The following SNX29 variants were observed in gnomAD, a reference collection of about 807,000 sequenced individuals.
SNX29 encodes the protein sorting nexin-29.
SNX29 carries 78 observed loss-of-function variants against 102.1 expected under a neutral mutation model. That is an observed-to-expected ratio of 0.76 (90% CI 0.64 to 0.92). The LOEUF is 0.92. SNX29 is among the 40% of genes least tolerant of loss of function. The pLI is 0.00. For missense variants in SNX29, 1,280 were observed against 1,061.7 expected (o/e 1.21, Z -2.86); for synonymous variants, 580 against 414.5 (o/e 1.40, Z -4.85).
chr16:12,029,531 G>A, intron 4 of SNX29: 1 of 453,826 alleles, frequency 2.2e-6, no homozygotes. Context: ...ACTTGGGAAA[G>A]GAGAAAGAAC....
chr16:12,542,332 C>T (rs745719702), intron 20 of SNX29, among the ~76,000 whole-genome samples: 2 of 152,224 alleles, frequency 1.3e-5, no homozygotes, highest in African/African-American at 4.8e-5. Flanking sequence ...GCTGTTAGAG[C>T]AAGAGATTGT....
intron 20 of SNX29, among the ~76,000 whole-genome samples, chr16:12,562,709 C>A (rs529474787): frequency 3.3e-5 from 5 of 152,328 alleles, no homozygotes; most frequent in African/African-American, 9.6e-5. Context: ...GAGATTGAAG[C>A]CTACCGTGGT....
intron 13 of SNX29, among the ~76,000 whole-genome samples, chr16:12,175,353 G>A (rs746355983): frequency 1.3e-5 from 2 of 152,042 alleles, no homozygotes; most frequent in African/African-American, 2.4e-5. Flanking sequence ...GGTCATAAGT[G>A]GGGGGCTGGC....
At chr16:12,291,651 T>C (rs755589022) in intron 15 of SNX29, among the ~76,000 whole-genome samples, 5 of 152,230 alleles carry the variant, frequency 3.3e-5, no homozygotes, top group Admixed American at 2.0e-4. Context: ...AAAAACCTTA[T>C]GTTTACTCTG....
intron 16 of SNX29, among the ~76,000 whole-genome samples, chr16:12,369,304 T>C (rs1054500161): frequency 7.2e-5 from 11 of 151,938 alleles, no homozygotes; most frequent in Admixed American, 2.0e-4. Flanking sequence ...CCCAGCTAAT[T>C]TTTGTATTTT....
At chr16:12,560,267 C>T (rs550684995) in intron 20 of SNX29, among the ~76,000 whole-genome samples, 1 of 152,016 alleles carries the variant, frequency 6.6e-6, no homozygotes, top group Non-Finnish European at 1.5e-5. Flanking sequence ...ATCAGGAACA[C>T]AGCAGCAATG....
intron 20 of SNX29, chr16:12,527,383 G>A (rs1256554488): frequency 2.0e-6 from 1 of 497,222 alleles, no homozygotes; most frequent in East Asian, 4.1e-5. Context: ...AAAATCTCCT[G>A]CCTAAGGAAA....
intron 11 of SNX29, chr16:12,088,259 CGGCTCTGCGGGGT>C: frequency 2.6e-6 from 1 of 384,408 alleles, no homozygotes; most frequent in Non-Finnish European, 5.2e-6. Flanking sequence ...GCAGCGGGAC[CGGCTCTGCGGGGT>C]CAGAGCAGGG....
At chr16:12,525,880 G>A (rs1469895855) in intron 20 of SNX29, among the ~76,000 whole-genome samples, 2 of 152,126 alleles carry the variant, frequency 1.3e-5, no homozygotes, top group Non-Finnish European at 2.9e-5. Flanking sequence ...CCATTGCTGG[G>A]AAACGTCAGG....
intron 15 of SNX29, among the ~76,000 whole-genome samples, chr16:12,285,266 G>T (rs921505897): frequency 1.3e-5 from 2 of 152,108 alleles, no homozygotes; most frequent in Non-Finnish European, 2.9e-5. Context: ...CTTGCTTGCC[G>T]GCACCGTTTT....
intron 1 of SNX29, among the ~76,000 whole-genome samples, chr16:11,979,511 C>T (rs546334305): frequency 1.3e-5 from 2 of 151,992 alleles, no homozygotes; most frequent in Non-Finnish European, 2.9e-5. Flanking sequence ...AACTGGTACA[C>T]GATAAAATAA....
intron 18 of SNX29, among the ~76,000 whole-genome samples, chr16:12,415,899 C>T (rs1281139227): frequency 1.3e-5 from 2 of 152,144 alleles, no homozygotes; most frequent in Non-Finnish European, 2.9e-5. Flanking sequence ...CCCATCTCCC[C>T]TGGGGAGATC....
intron 16 of SNX29, among the ~76,000 whole-genome samples, chr16:12,398,127 C>G (rs369991012): frequency 1.3e-5 from 2 of 152,164 alleles, no homozygotes; most frequent in African/African-American, 4.8e-5. Context: ...TGATAACTTG[C>G]ATCTCAGATC....
chr16:12,135,480 C>G (rs1597012554), intron 13 of SNX29: 2 of 1,302,926 alleles, frequency 1.5e-6, no homozygotes, highest in East Asian at 8.5e-5. Context: ...CCAGGATGGT[C>G]TGATAAGAGC....
At chr16:12,562,498 G>A (rs924046147) in intron 20 of SNX29, among the ~76,000 whole-genome samples, 4 of 152,158 alleles carry the variant, frequency 2.6e-5, no homozygotes, top group Non-Finnish European at 4.4e-5. Flanking sequence ...AAGGAGCATC[G>A]TGAGCAGCCC....
chr16:12,190,248 C>G (rs1055762867), intron 13 of SNX29, among the ~76,000 whole-genome samples: 11 of 152,072 alleles, frequency 7.2e-5, no homozygotes, highest in African/African-American at 1.7e-4. Flanking sequence ...AGTTCCACTT[C>G]CACTCCTGAT....
At chr16:12,044,033 C>T (rs773855905) in intron 5 of SNX29, among the ~76,000 whole-genome samples, 1 of 152,202 alleles carries the variant, frequency 6.6e-6, no homozygotes, top group Non-Finnish European at 1.5e-5. Context: ...GGGTTACAGG[C>T]GTGAGCCACT....
rs115372199 is a variant in SNX29, at chr16:12,290,621, C to T, written c.1782+12585C>T. Among the ~76,000 whole-genome samples, 636 of 152,300 alleles carry T rather than the reference C, an allele frequency of 4.2e-3. 8 individuals carry two copies. Among genetic ancestry groups the T allele is most frequent in the African/African-American group, 0.014 (588 of 41,564 alleles). Reference sequence around the variant, plus strand: ...GCAGAATAAAAAAACTTGGCTCAAGCTGTCTGTGACAAAGACTGTGTGATT... The same window carrying T: ...GCAGAATAAAAAAACTTGGCTCAAGTTGTCTGTGACAAAGACTGTGTGATT... On this transcript the variant is annotated intron_variant, in intron 15 of 20. Transcript: ENST00000566228.
intron 18 of SNX29, among the ~76,000 whole-genome samples, chr16:12,440,925 A>G (rs1202602060): frequency 1.1e-4 from 16 of 152,176 alleles, no homozygotes; most frequent in Non-Finnish European, 1.6e-4. Flanking sequence ...TCTTTATAAT[A>G]GAATGATTTA....
Sources: gnomAD v4.1 joint callset for allele counts (sites outside exome capture counted in the v4.1 genomes callset) on GRCh38, gnomAD v4.1.1 for gene constraint, MANE v1.5 for transcripts, NCBI Gene and HGNC (gene_info 2026-07-23, HGNC 2026-07-21) for gene names.